Variants in NUP98 observed in about 807,000 individuals in gnomAD.
NUP98 encodes nucleoporin 98 and 96 precursor.
NUP98 carries 26 observed loss-of-function variants against 191.9 expected under a neutral mutation model. That is an observed-to-expected ratio of 0.14 (90% CI 0.10 to 0.19). NUP98 has a LOEUF of 0.19. Ranked by LOEUF, NUP98 falls within the 10% of genes least tolerant of loss-of-function variation. The pLI, the probability that NUP98 is intolerant of heterozygous loss-of-function variation, is 1.00. For missense variants in NUP98, 1,941 were observed against 2,178.8 expected (o/e 0.89, Z 2.17); for synonymous variants, 808 against 778.4 (o/e 1.04, Z -0.63).
Position 3,713,714 on chromosome 11 carries a change from CATCA to C in NUP98, c.2577+100_2577+103del, listed in dbSNP as rs2079088691. On this transcript the variant is annotated intron_variant, in intron 19 of 32. Coordinates refer to ENST00000324932, the MANE Select transcript of NUP98 (RefSeq NM_016320.5). Reference sequence around the variant, plus strand: ...AGCCTGAGCAACAGAGCAAGAACCCCATCAATCAATCAATAGAATTTAGCAAAGG... The same window carrying C: ...AGCCTGAGCAACAGAGCAAGAACCCCATCAATCAATAGAATTTAGCAAAGG... The C allele has an allele frequency of 4.6e-6, 5 of 1,093,404 alleles. No homozygotes were observed. The African/African-American group carries it at 6.4e-5, about 14-fold the overall frequency. 67.7% of individuals were successfully genotyped at this position (1,093,404 alleles called of 1,614,324 possible).
At chr11:3,686,792 C>A (rs1474159211) in intron 28 of NUP98, among the ~76,000 whole-genome samples, 1 of 151,994 alleles carries the variant, frequency 6.6e-6, no homozygotes, top group Non-Finnish European at 1.5e-5. Flanking sequence ...TTGAGACCAG[C>A]CTGGCCAAGA....
intron 12 of NUP98, among the ~76,000 whole-genome samples, chr11:3,737,910 A>G (rs977104261): frequency 1.3e-5 from 2 of 151,698 alleles, no homozygotes; most frequent in Non-Finnish European, 2.9e-5. Context: ...AGTACTACAG[A>G]TTAACAGCAT....
At chr11:3,693,115 C>T (rs2078370580) in intron 27 of NUP98, 117 bp downstream of exon 27, 1 of 985,320 alleles carries the variant, frequency 1.0e-6, no homozygotes, top group Non-Finnish European at 1.5e-6. Flanking sequence ...GGGAAGTAGC[C>T]TTGTCCAGAG....
At chr11:3,714,362 A>T (rs565471496) in intron 18 of NUP98, among the ~76,000 whole-genome samples, 1 of 152,354 alleles carries the variant, frequency 6.6e-6, no homozygotes, top group East Asian at 1.9e-4. Context: ...ATAATAATAA[A>T]AAACAGCTAC....
At chr11:3,698,817 G>A (rs533089754) in intron 25 of NUP98, among the ~76,000 whole-genome samples, 84 of 150,606 alleles carry the variant, frequency 5.6e-4, no homozygotes, top group African/African-American at 2.0e-3. Flanking sequence ...CCACAGTGCT[G>A]GAATTACAGG....
In NUP98 at chr11:3,768,608, G is replaced by A; in HGVS notation, c.921C>T (p.Thr307=). ...NTGFSFGNTS[T]IGQPSTNTMG... ...TGGTGTTGGTGCTTGGCTGTCCTAT[G>A]GTGCTGGTATTACCAAAGGAAAAGC... is the stretch of plus-strand genomic sequence containing the variant. Residue 307 remains threonine, a synonymous_variant, in exon 8 of 33, where the codon ACC becomes ACT. Coordinates refer to ENST00000324932, the MANE Select transcript of NUP98 (RefSeq NM_016320.5). 6.2e-7 allele frequency: 1 copy of A among 1,603,796 alleles called. No individual in the cohort carries two copies. The highest frequency in any genetic ancestry group is 8.5e-7 in the Non-Finnish European group (1 of 1,175,608).
chr11:3,700,226 C>T (rs866986073), intron 24 of NUP98, among the ~76,000 whole-genome samples: 8 of 143,536 alleles, frequency 5.6e-5, no homozygotes, highest in Admixed American at 2.1e-4. Context: ...TGGTGGCGCG[C>T]GCCTATACTC....
intron 1 of NUP98, among the ~76,000 whole-genome samples, chr11:3,797,024 G>A (rs1434857044): frequency 3.9e-5 from 6 of 152,216 alleles, no homozygotes; most frequent in Non-Finnish European, 8.8e-5. Context: ...CCCACATGAC[G>A]GTCAAGGAAG....
chr11:3,693,381 C>G lies in NUP98; in HGVS notation c.4168-6G>C. ...TTTTCTGAGAGCTGCCACACCTGTGCGAAACAAAATCATCACCATGGCTAT... is the reference window on the plus strand; with the variant it reads ...TTTTCTGAGAGCTGCCACACCTGTGGGAAACAAAATCATCACCATGGCTAT... On this transcript the variant is annotated splice_polypyrimidine_tract_variant and splice_region_variant and intron_variant, in intron 26 of 32. Transcript: ENST00000324932. 6.2e-7 allele frequency: 1 copy of G among 1,613,600 alleles called. No homozygotes were observed. The highest frequency in any genetic ancestry group is 8.5e-7 in the Non-Finnish European group (1 of 1,179,750).
At chr11:3,792,128 G>A (rs1369340677) in intron 1 of NUP98, among the ~76,000 whole-genome samples, 3 of 121,340 alleles carry the variant, frequency 2.5e-5, no homozygotes, top group African/African-American at 6.4e-5. Flanking sequence ...GCAATAAGCC[G>A]AGATCGTGCC....
At position 3,702,446 on chromosome 11, in the gene NUP98, C is replaced by A. The variant is rs759990427; in HGVS notation, c.3512+17G>T. On this transcript the variant is annotated intron_variant, in intron 23 of 32. Transcript: ENST00000324932. ...TCATGTTGCCTTTCTCAAAAAGCAT[C>A]AAGAAATGTGACTCACGGTTTAACA... The A allele has an allele frequency of 6.2e-7, 1 of 1,601,660 alleles. No homozygotes were observed. The highest frequency in any genetic ancestry group is 1.7e-5 in the Admixed American group (1 of 58,948).
At chr11:3,739,273 A>G (rs1156700059) in intron 12 of NUP98, among the ~76,000 whole-genome samples, 3 of 152,150 alleles carry the variant, frequency 2.0e-5, no homozygotes, top group East Asian at 1.9e-4. Context: ...TTTTTGAGAC[A>G]GAGTCTTGCT....
At chr11:3,756,844 T>C (rs549281440) in intron 10 of NUP98, among the ~76,000 whole-genome samples, 4 of 151,818 alleles carry the variant, frequency 2.6e-5, no homozygotes, top group East Asian at 3.9e-4. Context: ...TCCCAACCTT[T>C]TGGGAGGCCG....
intron 18 of NUP98, among the ~76,000 whole-genome samples, chr11:3,717,394 A>G (rs1392852285): frequency 1.3e-5 from 2 of 152,174 alleles, no homozygotes; most frequent in African/African-American, 4.8e-5. Context: ...AGTTTTGTAT[A>G]AACAAGTCAT....
Position 3,783,163 on chromosome 11 carries a change from G to A in NUP98, c.-28-1018C>T, listed in dbSNP as rs116033621. Reference sequence around the variant, plus strand: ...TCCTGACAGCTTGGGAGGCTGAAGCGGGCTGATTGCTTGAGCCCAGGAGTT... The same window carrying A: ...TCCTGACAGCTTGGGAGGCTGAAGCAGGCTGATTGCTTGAGCCCAGGAGTT... On this transcript the variant is annotated intron_variant, in intron 1 of 32. Transcript: ENST00000324932. 3.3e-3 allele frequency among the ~76,000 whole-genome samples: 504 copies of A among 152,240 alleles called. 2 individuals carry two copies. Among genetic ancestry groups the A allele is most frequent in the African/African-American group, 0.012 (492 of 41,560 alleles).
rs752003356 is a variant in NUP98, at chr11:3,699,248, T to C, written c.3843A>G (p.Gln1281=). 1.9e-6 allele frequency: 3 copies of C among 1,614,168 alleles called. No homozygotes were observed. Among genetic ancestry groups the C allele is most frequent in the Non-Finnish European group, 1.7e-6 (2 of 1,180,032 alleles). Residue 1281 remains glutamine, a synonymous_variant, in exon 25 of 33, where the codon CAA becomes CAG. Coordinates refer to ENST00000324932, the MANE Select transcript of NUP98 (RefSeq NM_016320.5). ...AGAAAGCTCTTCTTCGCTCCAGAAT[T>C]TGAATGTATTCACGGGGTTCATTTA... ...SQLNEPREYI[Q]ILERRRAFSR...
chr11:3,684,766 C>CAAAAAAAAAAA lies in NUP98; in HGVS notation c.4676+1196_4676+1206dup, dbSNP rs71041370. Among the ~76,000 whole-genome samples the CAAAAAAAAAAA allele has an allele frequency of 3.9e-4, 40 of 101,806 alleles. 2 individuals are homozygous for CAAAAAAAAAAA. Among genetic ancestry groups the CAAAAAAAAAAA allele is most frequent in the African/African-American group, 1.0e-3 (27 of 25,902 alleles). 66.8% of individuals were successfully genotyped at this position (101,806 alleles called of 152,430 possible). A position where few individuals can be genotyped will look rare whatever the true frequency, so the allele number is the denominator to read the frequency against. ...AAACTAATGTTATGCTTTCACAGGC[C>CAAAAAAAAAAA]AAAAAAAAAAAAAAAAAAAAAAAAA... is the stretch of plus-strand genomic sequence containing the variant. On this transcript the variant is annotated intron_variant, in intron 29 of 32. Transcript: ENST00000324932.
chr11:3,747,926 AAC>A (rs2080568565), intron 11 of NUP98, among the ~76,000 whole-genome samples: 2 of 152,190 alleles, frequency 1.3e-5, no homozygotes, highest in South Asian at 4.1e-4. Context: ...AGGGAATTGC[AAC>A]AGTGTGTGTG....
intron 20 of NUP98, 165 bp downstream of exon 20, chr11:3,712,399 C>G: frequency 7.1e-7 from 1 of 1,413,430 alleles, no homozygotes. Flanking sequence ...AGACAGATGC[C>G]TGCAAGACCT....
Sources: allele counts gnomAD v4.1 joint callset (sites outside exome capture counted in the v4.1 genomes callset), GRCh38; gene constraint gnomAD v4.1.1; transcripts MANE v1.5; gene names NCBI Gene and HGNC (gene_info 2026-07-23, HGNC 2026-07-21).